The following SLC22A24 variants were observed in gnomAD, a reference collection of about 807,000 sequenced individuals.
SLC22A24 encodes the protein steroid transmembrane transporter SLC22A24.
Under a neutral mutation model 49.8 loss-of-function variants are expected in SLC22A24, and 53 were observed. That is an observed-to-expected ratio of 1.06 (90% CI 0.85 to 1.34). SLC22A24 has a LOEUF of 1.34. Ranked by LOEUF, SLC22A24 falls within the 40% of genes most tolerant of loss-of-function variation. The pLI is 0.00. For synonymous variants in SLC22A24, 302 were observed against 256.4 expected, an observed-to-expected ratio of 1.18 and a Z score of -1.70; for missense variants, 786 against 675.9, an observed-to-expected ratio of 1.16 and a Z score of -1.81.
chr11:63,083,439 G>C lies in SLC22A24; in HGVS notation c.1089C>G (p.Pro363=). The change falls in exon 7 of 10, where the codon CCC becomes CCG. Residue 363 remains proline, a synonymous_variant. Coordinates refer to ENST00000612278, the MANE Select transcript of SLC22A24 (RefSeq NM_001136506.2). The part of the protein sequence containing the change: ...LCFVRFAITV[P]FYGLILNLQH... Reference sequence around the variant, plus strand: ...GCAAGTTGAGTATCAGGCCATAAAAGGGTACAGTGATTGCGAATCTGAAGT... The same window carrying C: ...GCAAGTTGAGTATCAGGCCATAAAACGGTACAGTGATTGCGAATCTGAAGT... 6.4e-7 allele frequency: 1 copy of C among 1,551,210 alleles called. No individual in the cohort carries two copies. Among genetic ancestry groups the C allele is most frequent in the Non-Finnish European group, 8.7e-7 (1 of 1,146,662 alleles).
At position 63,118,899 on chromosome 11, in the gene SLC22A24, A is replaced by G; in HGVS notation, c.830+13T>C. On this transcript the variant is annotated intron_variant, in intron 4 of 9. Transcript: ENST00000612278. ...CCTCGCTTACAGGCAAAGAATGTGG[A>G]GATTGTTCATACCAAGAGGACAAGA... is the stretch of plus-strand genomic sequence containing the variant. The G allele has an allele frequency of 1.3e-6, 2 of 1,551,926 alleles. No individual in the cohort carries two copies. The highest frequency in any genetic ancestry group is 1.7e-6 in the Non-Finnish European group (2 of 1,146,976).
chr11:63,104,116 A>G (rs2134651260), intron 5 of SLC22A24, 59 bp downstream of exon 5: 1 of 1,533,730 alleles, frequency 6.5e-7, no homozygotes, highest in Non-Finnish European at 8.8e-7. Context: ...CTAGACTAGT[A>G]TGATTGTGAG....
chr11:63,133,290 C>A (rs1364079775), intron 2 of SLC22A24, among the ~76,000 whole-genome samples: 1 of 152,238 alleles, frequency 6.6e-6, no homozygotes, highest in Non-Finnish European at 1.5e-5. Context: ...GCACCCCACC[C>A]TGCTTCAGCT....
At chr11:63,098,842 T>G (rs922018782) in intron 5 of SLC22A24, among the ~76,000 whole-genome samples, 1 of 152,074 alleles carries the variant, frequency 6.6e-6, no homozygotes. Flanking sequence ...AAAAGCTGGC[T>G]TTTTGAAAAG....
intron 1 of SLC22A24, among the ~76,000 whole-genome samples, chr11:63,140,460 C>A (rs2087407903): frequency 6.6e-6 from 1 of 152,140 alleles, no homozygotes; most frequent in African/African-American, 2.4e-5. Context: ...GGCCAGATAT[C>A]AGATCTGCTA....
intron 2 of SLC22A24, among the ~76,000 whole-genome samples, chr11:63,122,926 A>G (rs894774029): frequency 3.9e-5 from 6 of 152,176 alleles, no homozygotes; most frequent in Admixed American, 1.3e-4. Context: ...TGATTAGCAT[A>G]CCTATCTTCT....
intron 4 of SLC22A24, among the ~76,000 whole-genome samples, chr11:63,114,445 T>A (rs564278329): frequency 6.6e-6 from 1 of 151,946 alleles, no homozygotes; most frequent in East Asian, 1.9e-4. Flanking sequence ...CTACACTGTT[T>A]AGCCATCATC....
intron 1 of SLC22A24, among the ~76,000 whole-genome samples, chr11:63,139,173 T>G (rs1051951571): frequency 6.6e-6 from 1 of 152,112 alleles, no homozygotes; most frequent in Non-Finnish European, 1.5e-5. Context: ...TGAAATATTT[T>G]TCTCCATTTT....
At chr11:63,132,885 T>G (rs1050463965) in intron 2 of SLC22A24, among the ~76,000 whole-genome samples, 3 of 152,174 alleles carry the variant, frequency 2.0e-5, no homozygotes, top group African/African-American at 7.2e-5. Flanking sequence ...CTGCTGCCTT[T>G]TGTTCAGCTA....
At chr11:63,096,250 A>T in intron 5 of SLC22A24, 144 bp from the exon 6 acceptor site, 1 of 576,580 alleles carries the variant, frequency 1.7e-6, no homozygotes. Context: ...AGCATTAAAT[A>T]ATTCATCTCA....
Position 63,143,406 on chromosome 11 carries a change from C to T in SLC22A24, c.374G>A (p.Ser125Asn), listed in dbSNP as rs138722111. 0.02 allele frequency: 29,768 copies of T among 1,492,358 alleles called. 360 individuals carry two copies. Among genetic ancestry groups the T allele is most frequent in the Middle Eastern group, 0.053 (291 of 5,534 alleles). The allele number at this position is 1,492,358 out of a possible 1,614,324, so 92.4% of individuals were successfully genotyped here. A position where few individuals can be genotyped will look rare whatever the true frequency, so the allele number is the denominator to read the frequency against. Residue 125 changes from serine to asparagine, a missense_variant, in exon 1 of 10, where the codon AGC (serine) becomes AAC (asparagine). By Grantham distance (46) the Ser-to-Asn change is conservative. Transcript: ENST00000612278. ...PCVDGWVYDR[S>N]SFLSTIVTEW... ...AGTCACGATGGTGGAGAGGAAAGAG[C>T]TTCTGTCGTACACCCAGCCATCCAC...
At position 63,101,878 on chromosome 11, in the gene SLC22A24, C is replaced by T. The variant is rs143062518; in HGVS notation, c.954+2297G>A. On this transcript the variant is annotated intron_variant, in intron 5 of 9. Transcript: ENST00000612278. ...ATGTTCTCAGGAACATTTGTGGGAG[C>T]TAAAAATTAAAACAATTGAATACAT... Among the ~76,000 whole-genome samples the T allele has an allele frequency of 2.9e-3, 443 of 151,810 alleles. 1 individual carries two copies. Among genetic ancestry groups the T allele is most frequent in the African/African-American group, 0.01 (414 of 41,374 alleles).
intron 2 of SLC22A24, among the ~76,000 whole-genome samples, chr11:63,122,789 G>A (rs2087261346): frequency 6.6e-6 from 1 of 152,066 alleles, no homozygotes; most frequent in Non-Finnish European, 1.5e-5. Flanking sequence ...CAAAGTGCTG[G>A]GATTACAGGC....
At chr11:63,126,139 G>T (rs565320824) in intron 2 of SLC22A24, among the ~76,000 whole-genome samples, 107 of 152,000 alleles carry the variant, frequency 7.0e-4, no homozygotes, top group African/African-American at 2.5e-3. Flanking sequence ...AGTTTCTTTT[G>T]CTGTGCAGAA....
At chr11:63,081,690 GA>G in intron 7 of SLC22A24, 24 bp from the exon 8 acceptor site, 2 of 1,496,894 alleles carry the variant, frequency 1.3e-6, no homozygotes, top group Non-Finnish European at 1.8e-6. Flanking sequence ...TGAGAATCAG[GA>G]AATCTTGCCT....
intron 6 of SLC22A24, among the ~76,000 whole-genome samples, chr11:63,091,617 A>C (rs372953963): frequency 3.3e-5 from 5 of 152,330 alleles, no homozygotes; most frequent in Admixed American, 1.3e-4. Context: ...ACAAAACAAT[A>C]AACATAATCC....
At chr11:63,084,436 G>C (rs953444570) in intron 6 of SLC22A24, among the ~76,000 whole-genome samples, 1 of 152,122 alleles carries the variant, frequency 6.6e-6, no homozygotes, top group Non-Finnish European at 1.5e-5. Context: ...GAGTGTTGGG[G>C]TGGGGAAGGC....
At chr11:63,100,948 C>T (rs1318492817) in intron 5 of SLC22A24, among the ~76,000 whole-genome samples, 1 of 151,974 alleles carries the variant, frequency 6.6e-6, no homozygotes, top group Non-Finnish European at 1.5e-5. Context: ...TCTACTATAA[C>T]AAAGCACTGG....
At chr11:63,109,865 G>A (rs1342178290) in intron 4 of SLC22A24, among the ~76,000 whole-genome samples, 1 of 151,356 alleles carries the variant, frequency 6.6e-6, no homozygotes, top group Admixed American at 6.6e-5. Flanking sequence ...GATCCCATTT[G>A]TCAATTTTGG....
Sources: gnomAD v4.1 joint callset for allele counts (sites outside exome capture counted in the v4.1 genomes callset) on GRCh38, gnomAD v4.1.1 for gene constraint, MANE v1.5 for transcripts, NCBI Gene and HGNC (gene_info 2026-07-23, HGNC 2026-07-21) for gene names.